Variants in RAD54B observed in about 807,000 individuals in gnomAD.
RAD54B encodes RAD54 homolog B, also known as DNA repair and recombination protein RAD54B.
In RAD54B, 78 loss-of-function variants were observed where a neutral mutation model predicts 95.8. That is an observed-to-expected ratio of 0.81 (90% CI 0.68 to 0.98). The LOEUF is 0.98. Ranked by LOEUF, RAD54B falls within the 50% of genes least tolerant of loss-of-function variation. RAD54B has a pLI of 0.00. For missense variants in RAD54B, 957 were observed against 1,056.6 expected (o/e 0.91, Z 1.31); for synonymous variants, 328 against 354.9 (o/e 0.92, Z 0.85).
At chr8:94,381,839 C>A (rs947915979) in intron 11 of RAD54B, among the ~76,000 whole-genome samples, 6 of 152,072 alleles carry the variant, frequency 3.9e-5, no homozygotes, top group Non-Finnish European at 8.8e-5. Flanking sequence ...AAAGGCCGGG[C>A]GCGGTGGCTC....
At chr8:94,468,898 G>A (rs1325566838) in intron 1 of RAD54B, among the ~76,000 whole-genome samples, 1 of 151,970 alleles carries the variant, frequency 6.6e-6, no homozygotes, top group Non-Finnish European at 1.5e-5. Context: ...CTGAGGTGAG[G>A]GGGATCCCTT....
At chr8:94,414,032 C>T (rs553084203) in intron 3 of RAD54B, among the ~76,000 whole-genome samples, 77 of 152,096 alleles carry the variant, frequency 5.1e-4, no homozygotes, top group African/African-American at 1.8e-3. Flanking sequence ...GACGGGGTTT[C>T]ACCAGGTTGG....
rs1586040496 is a variant in RAD54B at position 94,461,781 on chromosome 8, C to T, written c.136-3345G>A. On this transcript the variant is annotated intron_variant, in intron 2 of 14. Coordinates refer to ENST00000336148, the MANE Select transcript of RAD54B (RefSeq NM_012415.3). ...GTGAGAGTAAACTGCAGACGCTATG[C>T]TCCTTCGCCTCTAAATACTTCAAGG... 2.0e-5 allele frequency among the ~76,000 whole-genome samples: 3 copies of T among 152,256 alleles called. No homozygotes were observed. The East Asian group carries it at 5.8e-4, about 29-fold the overall frequency.
intron 2 of RAD54B, among the ~76,000 whole-genome samples, chr8:94,460,262 G>C (rs1404530266): frequency 1.3e-5 from 2 of 152,178 alleles, no homozygotes; most frequent in African/African-American, 2.4e-5. Flanking sequence ...CTTGAGCTCA[G>C]GAGTTTGAGA....
intron 3 of RAD54B, chr8:94,428,195 T>C (rs3019277): frequency 0.27 from 230,120 of 840,972 alleles, 33,677 homozygotes; most frequent in East Asian, 0.43. Flanking sequence ...ATATACTTAG[T>C]ATATTTATCA....
At chr8:94,413,664 C>A (rs1034709476) in intron 3 of RAD54B, among the ~76,000 whole-genome samples, 2 of 151,878 alleles carry the variant, frequency 1.3e-5, no homozygotes, top group African/African-American at 4.8e-5. Context: ...AATACAAAAG[C>A]ACGAAACATA....
In RAD54B at chr8:94,442,312, G is replaced by A. The variant is rs112701306; in HGVS notation, c.304+15956C>T. 6.0e-3 allele frequency among the ~76,000 whole-genome samples: 917 copies of A among 152,034 alleles called. 13 individuals carry two copies. The highest frequency in any genetic ancestry group is 0.021 in the African/African-American group (879 of 41,498). ...TTAAAAGCTGGGCACGGTGGCTCACGCCTGTAATCCCAGCACTTTGGGAGG... is the reference window on the plus strand; with the variant it reads ...TTAAAAGCTGGGCACGGTGGCTCACACCTGTAATCCCAGCACTTTGGGAGG... On this transcript the variant is annotated intron_variant, in intron 3 of 14. Transcript: ENST00000336148.
intron 2 of RAD54B, among the ~76,000 whole-genome samples, chr8:94,460,848 A>C (rs3019284): frequency 0.31 from 47,404 of 151,858 alleles, 7,864 homozygotes; most frequent in East Asian, 0.43. Context: ...CATCTCTCTG[A>C]CCCTGCTTCC....
At chr8:94,440,940 C>G (rs1812382480) in intron 3 of RAD54B, among the ~76,000 whole-genome samples, 1 of 152,180 alleles carries the variant, frequency 6.6e-6, no homozygotes, top group East Asian at 1.9e-4. Context: ...CAGCCCGGCG[C>G]CAGGTCCAAA....
At chr8:94,450,876 CAG>C (rs904375862) in intron 3 of RAD54B, among the ~76,000 whole-genome samples, 7 of 151,242 alleles carry the variant, frequency 4.6e-5, no homozygotes, top group African/African-American at 1.7e-4. Context: ...ACTGGTTAAA[CAG>C]AAATTAATAG....
At position 94,387,015 on chromosome 8, in the gene RAD54B, C is replaced by G; in HGVS notation, c.1954G>C (p.Ala652Pro). 3 of 1,608,308 alleles carry G rather than the reference C, an allele frequency of 1.9e-6. No individual in the cohort carries two copies. Among genetic ancestry groups the G allele is most frequent in the Non-Finnish European group, 2.5e-6 (3 of 1,178,466 alleles). Residue 652 changes from alanine to proline, a missense_variant, in exon 11 of 15, where the codon GCG (alanine) becomes CCG (proline). By Grantham distance (27) the Ala-to-Pro change is conservative. Transcript: ENST00000336148. ...GTAGGTCGAAGTTCGTGGATAACCG[C>G]TAAGAGCTTGGACAACACCTGTAGT... ...GKLQVLSKLLAVIHELRPTEK... is the reference protein window; with the variant it reads ...GKLQVLSKLLPVIHELRPTEK...
chr8:94,468,141 C>T (rs1813074835), intron 1 of RAD54B: 2 of 152,194 alleles, frequency 1.3e-5, no homozygotes, highest in Non-Finnish European at 2.9e-5. Flanking sequence ...CGCAAGCCCC[C>T]ACTTCAAGAT....
intron 10 of RAD54B, among the ~76,000 whole-genome samples, chr8:94,390,901 T>C (rs1409696096): frequency 6.6e-6 from 1 of 152,146 alleles, no homozygotes; most frequent in African/African-American, 2.4e-5. Context: ...AAGGTAATTT[T>C]ATACAGTATT....
Position 94,372,161 on chromosome 8 carries a change from A to G in RAD54B, c.*9T>C, listed in dbSNP as rs1810455563. 6.3e-7 allele frequency: 1 copy of G among 1,587,212 alleles called. No individual in the cohort carries two copies. Among genetic ancestry groups the G allele is most frequent in the African/African-American group, 1.4e-5 (1 of 73,360 alleles). The stretch of plus-strand genomic sequence containing the variant: ...AGAAGAGCAATGGAATGTCAGAAGT[A>G]ATCTTTCACTATGTGCCAGTAGCTT... On this transcript the variant is annotated 3_prime_UTR_variant, in exon 15 of 15. Coordinates refer to ENST00000336148, the MANE Select transcript of RAD54B (RefSeq NM_012415.3).
intron 8 of RAD54B, 80 bp downstream of exon 8, chr8:94,399,334 G>C: frequency 9.2e-7 from 1 of 1,091,210 alleles, no homozygotes; most frequent in East Asian, 2.4e-5. Context: ...CCAGTTATTT[G>C]AATGTTAAGC....
intron 3 of RAD54B, among the ~76,000 whole-genome samples, chr8:94,422,620 ATATATATATATATATATATAT>A (rs1811846287): frequency 4.7e-5 from 2 of 42,324 alleles, no homozygotes; most frequent in Admixed American, 2.5e-4. Context: ...AAAAAAAAAT[ATATATATATATATATATATAT>A]ATATATATAT....
chr8:94,436,944 C>A, intron 3 of RAD54B: 1 of 1,451,058 alleles, frequency 6.9e-7, no homozygotes, highest in Non-Finnish European at 9.1e-7. Flanking sequence ...TTTTCACAAA[C>A]AGAAAAAGAT....
intron 3 of RAD54B, among the ~76,000 whole-genome samples, chr8:94,422,617 A>AAAAAAT (rs1554606249): frequency 1.8e-4 from 8 of 43,572 alleles, no homozygotes; most frequent in Non-Finnish European, 2.7e-4. Flanking sequence ...AAAAAAAAAA[A>AAAAAAT]ATATATATAT....
chr8:94,453,894 C>A (rs978844389), intron 3 of RAD54B, among the ~76,000 whole-genome samples: 8 of 152,038 alleles, frequency 5.3e-5, no homozygotes, highest in African/African-American at 1.4e-4. Context: ...CGGGTTCAAG[C>A]AATTCTCTGG....
Sources: gnomAD v4.1 joint callset for allele counts (sites outside exome capture counted in the v4.1 genomes callset) on GRCh38, gnomAD v4.1.1 for gene constraint, MANE v1.5 for transcripts, NCBI Gene and HGNC (gene_info 2026-07-23, HGNC 2026-07-21) for gene names.